RIPOR2: variants seen among roughly 807,000 people sequenced by gnomAD.
RIPOR2 encodes the protein rho family-interacting cell polarization regulator 2.
A neutral mutation model predicts 114.5 loss-of-function variants in RIPOR2; 39 were observed. The ratio of observed to expected loss-of-function variants is 0.34; its 90% confidence interval spans 0.26 to 0.44. The LOEUF (loss-of-function observed/expected upper bound fraction) is 0.44, where lower values mean the gene tolerates loss of function less well. Ranked by LOEUF, RIPOR2 falls within the 20% of genes least tolerant of loss-of-function variation. The pLI is 1.00. For synonymous variants in RIPOR2, 445 were observed against 484.4 expected (o/e 0.92, Z 1.07); for missense variants, 1,007 against 1,255.1 (o/e 0.80, Z 2.99).
chr6:24,850,866 G>A, intron 9 of RIPOR2, 144 bp from the exon 10 acceptor site: 2 of 928,888 alleles, frequency 2.2e-6, no homozygotes, highest in Non-Finnish European at 3.3e-6. Context: ...ACTCTTGGGT[G>A]TGAATGGAGC....
At chr6:24,971,384 A>T (rs1414333096) in intron 1 of RIPOR2, among the ~76,000 whole-genome samples, 1 of 152,260 alleles carries the variant, frequency 6.6e-6, no homozygotes, top group Non-Finnish European at 1.5e-5. Flanking sequence ...TGCTGGATAT[A>T]GGGATACAGG....
intron 13 of RIPOR2, among the ~76,000 whole-genome samples, chr6:24,841,121 T>TG (rs1761676704): frequency 6.6e-6 from 1 of 152,204 alleles, no homozygotes; most frequent in Non-Finnish European, 1.5e-5. Flanking sequence ...TTTTTAATAA[T>TG]GCTTAGTGTT....
At chr6:24,952,009 T>C (rs572131154) in intron 1 of RIPOR2, among the ~76,000 whole-genome samples, 12 of 152,332 alleles carry the variant, frequency 7.9e-5, no homozygotes, top group Admixed American at 7.8e-4. Context: ...GCCACACCAC[T>C]GTCTCCAGTG....
chr6:24,894,924 C>A (rs553275021), intron 1 of RIPOR2, among the ~76,000 whole-genome samples: 2 of 152,170 alleles, frequency 1.3e-5, no homozygotes, highest in Non-Finnish European at 2.9e-5. Flanking sequence ...AAATATTTAC[C>A]CTTGTCCCAA....
intron 8 of RIPOR2, among the ~76,000 whole-genome samples, 167 bp downstream of exon 8, chr6:24,860,806 C>G (rs190181081): frequency 6.6e-6 from 1 of 152,204 alleles, no homozygotes; most frequent in Admixed American, 6.5e-5. Flanking sequence ...TGTAGGTAAG[C>G]CTCAGGATGA....
chr6:24,835,449 T>A (rs757833156), intron 15 of RIPOR2, among the ~76,000 whole-genome samples: 28 of 152,054 alleles, frequency 1.8e-4, no homozygotes, highest in Admixed American at 3.3e-4. Context: ...TACTACCAAA[T>A]GAGTCAAAAG....
rs748165543 is a variant in RIPOR2 at position 24,843,220 on chromosome 6, C to T, written c.1499G>A (p.Arg500Gln). The change falls in exon 13 of 22, where the codon CGA (arginine) becomes CAA (glutamine). Residue 500 changes from arginine to glutamine, a missense_variant. Transcript: ENST00000643898. ...CTCAGCCCCAGCACCTGAGGACTGT[C>T]GGCGGCAAGCCTCAGATGGGGCCGA... ...PASAPSEACR[R>Q]QSSGAGAEHL... is the part of the protein sequence containing the mutation. The T allele has an allele frequency of 2.5e-5, 41 of 1,613,900 alleles. No homozygotes were observed. Among genetic ancestry groups the T allele is most frequent in the South Asian group, 5.5e-5 (5 of 91,082 alleles).
chr6:24,825,108 C>A (rs998829149), intron 19 of RIPOR2, 118 bp downstream of exon 19: 9 of 753,378 alleles, frequency 1.2e-5, no homozygotes, highest in Non-Finnish European at 1.9e-5. Context: ...TTATGGAGCA[C>A]ACATTATTAA....
At chr6:25,008,461 G>A (rs1245715542) in intron 1 of RIPOR2, among the ~76,000 whole-genome samples, 2 of 152,204 alleles carry the variant, frequency 1.3e-5, no homozygotes. Flanking sequence ...CACAAGCGAA[G>A]GTGGCTCTAG....
chr6:24,878,725 T>G (rs1246636538), intron 1 of RIPOR2, among the ~76,000 whole-genome samples: 12 of 152,150 alleles, frequency 7.9e-5, no homozygotes, highest in African/African-American at 2.9e-4. Flanking sequence ...CACCAATGTT[T>G]GAGAGCCACT....
chr6:24,873,992 A>C (rs1048400747), intron 2 of RIPOR2, among the ~76,000 whole-genome samples, 193 bp from the exon 3 acceptor site: 4 of 151,864 alleles, frequency 2.6e-5, no homozygotes, highest in Non-Finnish European at 4.4e-5. Context: ...AGTGATCCTC[A>C]GCCTCCCAAG....
intron 1 of RIPOR2, among the ~76,000 whole-genome samples, chr6:24,913,967 G>T (rs904892491): frequency 6.6e-6 from 1 of 152,128 alleles, no homozygotes; most frequent in Non-Finnish European, 1.5e-5. Context: ...AAAAGGAATG[G>T]TTCTTTCCAA....
At chr6:24,909,301 G>T (rs189021167) in intron 1 of RIPOR2, among the ~76,000 whole-genome samples, 19 of 152,214 alleles carry the variant, frequency 1.2e-4, no homozygotes, top group Middle Eastern at 6.8e-3. Context: ...AACTACTGAT[G>T]CTTCCTAATT....
chr6:24,846,697 A>G (rs959835436), intron 12 of RIPOR2, among the ~76,000 whole-genome samples: 1 of 152,084 alleles, frequency 6.6e-6, no homozygotes, highest in Non-Finnish European at 1.5e-5. Context: ...TGACACTCAA[A>G]GCTTCGTTTT....
rs1267990992 is a variant in RIPOR2, at chr6:24,850,687, C to T, written c.795G>A (p.Leu265=). The change falls in exon 10 of 22, where the codon CTG becomes CTA. Residue 265 remains leucine (L), a synonymous_variant. Coordinates refer to ENST00000643898, the MANE Select transcript of RIPOR2 (RefSeq NM_001286445.3). ...TGCCATTTACTTCTATTTTGCCTTT[C>T]AGTTTCCACCGCTGCCGGCCATACT... ...FMKYGRQRWK[L]KGKIEVNGKQ... is the part of the protein sequence containing the mutation. 1 of 1,613,888 alleles carries T rather than the reference C, an allele frequency of 6.2e-7. No homozygotes were observed. Among genetic ancestry groups the T allele is most frequent in the South Asian group, 1.1e-5 (1 of 91,078 alleles).
At chr6:24,983,193 T>TATACAC (rs1554127794) in intron 1 of RIPOR2, among the ~76,000 whole-genome samples, 6 of 147,344 alleles carry the variant, frequency 4.1e-5, no homozygotes, top group Non-Finnish European at 7.5e-5. Flanking sequence ...GTTGAACACG[T>TATACAC]ACACACACAC....
rs73729597 is a variant in RIPOR2, at chr6:25,023,489, C to T, written c.76+18362G>A. The T allele has an allele frequency of 2.7e-4, 205 of 768,552 alleles. No individual in the cohort carries two copies. In the African/African-American group the frequency reaches 3.2e-3, roughly 12 times the overall value. The allele number at this position is 768,552 out of a possible 1,614,324, so 47.6% of individuals were successfully genotyped here. ...CCCCTAGGACTTGGCGATGCAGTGG[C>T]GGACAAATTCACACTCAGGGCTATG... On this transcript the variant is annotated intron_variant, in intron 1 of 13. Transcript: ENST00000510784.
chr6:24,873,626 T>A lies in RIPOR2; in HGVS notation c.344+18A>T, dbSNP rs756852794. Reference sequence around the variant, plus strand: ...TTGGGTCTTTCCTTAAAGTACATTATCAGGTTCAAGTTCTTACTCAAGTCC... The same window carrying A: ...TTGGGTCTTTCCTTAAAGTACATTAACAGGTTCAAGTTCTTACTCAAGTCC... On this transcript the variant is annotated intron_variant, in intron 3 of 21. Coordinates refer to ENST00000643898, the MANE Select transcript of RIPOR2 (RefSeq NM_001286445.3). 1.2e-6 allele frequency: 2 copies of A among 1,607,500 alleles called. No individual in the cohort carries two copies. Among genetic ancestry groups the A allele is most frequent in the Non-Finnish European group, 1.7e-6 (2 of 1,177,608 alleles).
chr6:24,926,921 T>C (rs1010425151), intron 1 of RIPOR2, among the ~76,000 whole-genome samples: 7 of 147,884 alleles, frequency 4.7e-5, no homozygotes, highest in Admixed American at 6.7e-5. Flanking sequence ...ACCACCATCA[T>C]CATCACCACC....
Sources: gnomAD v4.1 joint callset for allele counts (sites outside exome capture counted in the v4.1 genomes callset) on GRCh38, gnomAD v4.1.1 for gene constraint, MANE v1.5 for transcripts, NCBI Gene and HGNC (gene_info 2026-07-23, HGNC 2026-07-21) for gene names.